Variants in TANC1 observed in about 807,000 individuals in gnomAD.
The protein encoded by TANC1 is protein TANC1.
In TANC1, 77 loss-of-function variants were observed where a neutral mutation model predicts 149.7. The ratio of observed to expected loss-of-function variants is 0.51; its 90% CI spans 0.43 to 0.62. TANC1 has a LOEUF of 0.62. TANC1 is among the 20% of genes least tolerant of loss of function. The pLI is 0.00. For missense variants in TANC1, 1,985 were observed against 2,321.8 expected, an observed-to-expected ratio of 0.85 and a Z score of 2.98; for synonymous variants, 854 against 925.0, an observed-to-expected ratio of 0.92 and a Z score of 1.39.
chr2:159,037,737 A>G (rs986801787), intron 2 of TANC1, among the ~76,000 whole-genome samples: 1 of 152,220 alleles, frequency 6.6e-6, no homozygotes, highest in Non-Finnish European at 1.5e-5. Context: ...TACCAGTACC[A>G]TGCTGTTTTG....
At chr2:159,072,458 G>C (rs1334327698) in intron 3 of TANC1, among the ~76,000 whole-genome samples, 2 of 152,104 alleles carry the variant, frequency 1.3e-5, no homozygotes, top group Non-Finnish European at 2.9e-5. Flanking sequence ...ACTTGAATTT[G>C]GACATATTTT....
chr2:159,005,899 AT>A (rs869117848), intron 2 of TANC1, among the ~76,000 whole-genome samples: 2 of 151,788 alleles, frequency 1.3e-5, no homozygotes, highest in East Asian at 1.9e-4. Context: ...AGGCCAAAAA[AT>A]TTTTTTTTAA....
intron 7 of TANC1, among the ~76,000 whole-genome samples, chr2:159,158,868 A>AG (rs1368901327): frequency 6.6e-6 from 1 of 152,196 alleles, no homozygotes; most frequent in Non-Finnish European, 1.5e-5. Context: ...GACCCCCTAG[A>AG]GGGGAGAAGC....
At chr2:159,109,089 C>G (rs943135878) in intron 4 of TANC1, among the ~76,000 whole-genome samples, 1 of 152,196 alleles carries the variant, frequency 6.6e-6, no homozygotes, top group African/African-American at 2.4e-5. Flanking sequence ...AATGAGCTGA[C>G]CTTTCGAAGA....
At chr2:159,087,473 T>G (rs930808430) in intron 3 of TANC1, among the ~76,000 whole-genome samples, 3 of 151,626 alleles carry the variant, frequency 2.0e-5, no homozygotes, top group African/African-American at 7.3e-5. Context: ...TTCCGTTTTT[T>G]TTTTTTTTTG....
intron 3 of TANC1, among the ~76,000 whole-genome samples, chr2:159,091,045 C>T (rs264624): frequency 0.14 from 20,326 of 150,178 alleles, 2,516 homozygotes; most frequent in African/African-American, 0.32. Flanking sequence ...TTTTTTTTTT[C>T]TTCCCCTCTG....
In TANC1 at chr2:159,217,724, G is replaced by A. The variant is rs534537673; in HGVS notation, c.3378+94G>A. 1.7e-4 allele frequency: 256 copies of A among 1,473,810 alleles called. No homozygotes were observed. The African/African-American group carries it at 3.4e-3, about 19-fold the overall frequency. 91.3% of individuals were successfully genotyped at this position (1,473,810 alleles called of 1,614,324 possible). A position where few individuals can be genotyped will look rare whatever the true frequency, so the allele number is the denominator to read the frequency against. ...CCTGAGAACACAATGCAGCTCCCCTGAGCCTGTCTGTTCCCCATCCTCGGC... is the reference window on the plus strand; with the variant it reads ...CCTGAGAACACAATGCAGCTCCCCTAAGCCTGTCTGTTCCCCATCCTCGGC... On this transcript the variant is annotated intron_variant, in intron 20 of 26. Transcript: ENST00000263635.
chr2:159,156,958 C>T (rs1030718796), intron 7 of TANC1, among the ~76,000 whole-genome samples: 3 of 152,180 alleles, frequency 2.0e-5, no homozygotes, highest in South Asian at 2.1e-4. Context: ...ATGTGCGGCT[C>T]GGGCCCCTGG....
intron 5 of TANC1, chr2:159,147,643 C>G (rs1464797493): frequency 6.6e-6 from 1 of 152,398 alleles, no homozygotes; most frequent in East Asian, 1.9e-4. Flanking sequence ...CTTGGGGCCA[C>G]TGCCCCTTCA....
chr2:158,995,532 C>G (rs530354975), intron 1 of TANC1, among the ~76,000 whole-genome samples: 1 of 152,112 alleles, frequency 6.6e-6, no homozygotes, highest in African/African-American at 2.4e-5. Flanking sequence ...GAGGGCGGGA[C>G]TCTTGGAAAC....
intron 2 of TANC1, chr2:159,004,000 C>T (rs1234666305): frequency 6.2e-7 from 1 of 1,612,310 alleles, no homozygotes; most frequent in Non-Finnish European, 8.5e-7. Flanking sequence ...AATAATATAG[C>T]TGGTATTGAA....
intron 3 of TANC1, among the ~76,000 whole-genome samples, chr2:159,095,733 CAAAAAAAAAAAA>C (rs61191170): frequency 3.0e-5 from 3 of 100,444 alleles, no homozygotes; most frequent in Admixed American, 1.1e-4. Flanking sequence ...AAGACTGTCT[CAAAAAAAAAAAA>C]AAAAAAAAAA....
intron 8 of TANC1, among the ~76,000 whole-genome samples, chr2:159,168,459 C>T (rs947182309): frequency 2.0e-5 from 3 of 151,838 alleles, no homozygotes; most frequent in African/African-American, 7.3e-5. Context: ...GCCTCCATGC[C>T]CAGCTAATTT....
intron 1 of TANC1, among the ~76,000 whole-genome samples, chr2:158,981,450 A>C (rs1209838874): frequency 1.4e-5 from 2 of 144,048 alleles, no homozygotes; most frequent in Non-Finnish European, 3.0e-5. Context: ...TGACAGAGTG[A>C]GACCCTATCT....
At chr2:159,007,307 CAACT>C (rs1189705933) in intron 2 of TANC1, among the ~76,000 whole-genome samples, 1 of 152,084 alleles carries the variant, frequency 6.6e-6, no homozygotes, top group Non-Finnish European at 1.5e-5. Context: ...CCACCACAAC[CAACT>C]AATTTTGTAT....
intron 4 of TANC1, among the ~76,000 whole-genome samples, chr2:159,119,437 TA>T (rs1163989843): frequency 2.0e-5 from 3 of 152,070 alleles, no homozygotes; most frequent in Non-Finnish European, 4.4e-5. Flanking sequence ...CAGTTGGTTT[TA>T]AAAAAAATCA....
At chr2:159,117,632 G>A (rs565048181) in intron 4 of TANC1, among the ~76,000 whole-genome samples, 2 of 150,754 alleles carry the variant, frequency 1.3e-5, no homozygotes, top group East Asian at 2.0e-4. Flanking sequence ...TCCTGACCTC[G>A]TGACCCGCCT....
At chr2:159,085,197 T>A (rs1344836515) in intron 3 of TANC1, among the ~76,000 whole-genome samples, 1 of 152,172 alleles carries the variant, frequency 6.6e-6, no homozygotes, top group Non-Finnish European at 1.5e-5. Context: ...AAAGCCAGGA[T>A]ACTTCTCAGC....
chr2:159,044,519 C>A (rs368784357), intron 2 of TANC1, among the ~76,000 whole-genome samples: 11 of 152,106 alleles, frequency 7.2e-5, no homozygotes, highest in African/African-American at 2.7e-4. Flanking sequence ...TATTTGCATT[C>A]TGTCTCCAAT....
Sources: gnomAD v4.1 joint callset for allele counts (sites outside exome capture counted in the v4.1 genomes callset) on GRCh38, gnomAD v4.1.1 for gene constraint, MANE v1.5 for transcripts, NCBI Gene and HGNC (gene_info 2026-07-23, HGNC 2026-07-21) for gene names.